LRRC75A: variants seen among roughly 807,000 people sequenced by gnomAD.
LRRC75A encodes the protein leucine rich repeat containing 75A.
Under a neutral mutation model 26.0 loss-of-function variants are expected in LRRC75A, and 12 were observed. The observed-to-expected ratio is 0.46, with a 90% CI of 0.30 to 0.75. The LOEUF (loss-of-function observed/expected upper bound fraction) is 0.75, where lower values mean the gene tolerates loss of function less well. Among genes scored for constraint, LRRC75A ranks in the 30% least tolerant of loss-of-function variants. LRRC75A has a pLI of 0.08. For missense variants in LRRC75A, 410 were observed against 486.6 expected (o/e 0.84, Z 1.48); for synonymous variants, 223 against 219.3 (o/e 1.02, Z -0.15).
intron 1 of LRRC75A, among the ~76,000 whole-genome samples, chr17:16,486,808 C>T (rs949450620): frequency 2.0e-5 from 3 of 152,218 alleles, no homozygotes; most frequent in South Asian, 2.1e-4. Flanking sequence ...GGAAAGCAAA[C>T]GTGCTGTGTC....
intron 2 of LRRC75A, among the ~76,000 whole-genome samples, chr17:16,450,667 T>C (rs556459831): frequency 1.4e-4 from 21 of 152,276 alleles, no homozygotes; most frequent in East Asian, 5.8e-4. Context: ...GCCACATGAC[T>C]GTGTGGAGGG....
intron 3 of LRRC75A, among the ~76,000 whole-genome samples, chr17:16,444,542 C>T (rs2093564305): frequency 6.6e-6 from 1 of 152,124 alleles, no homozygotes; most frequent in Admixed American, 6.5e-5. Flanking sequence ...CAGCTCAGCC[C>T]CCATGAATGG....
chr17:16,479,415 T>C (rs1382468682), intron 1 of LRRC75A, among the ~76,000 whole-genome samples: 1 of 152,208 alleles, frequency 6.6e-6, no homozygotes, highest in Non-Finnish European at 1.5e-5. Flanking sequence ...TAAACTTCTG[T>C]GTGGTCTCAC....
chr17:16,477,674 C>T (rs933020083), intron 1 of LRRC75A, among the ~76,000 whole-genome samples: 1 of 152,220 alleles, frequency 6.6e-6, no homozygotes, highest in African/African-American at 2.4e-5. Flanking sequence ...GCCTTCCCAG[C>T]AGGAGCCAGG....
At chr17:16,471,403 G>T (rs2093805707) in intron 1 of LRRC75A, among the ~76,000 whole-genome samples, 1 of 152,210 alleles carries the variant, frequency 6.6e-6, no homozygotes, top group Non-Finnish European at 1.5e-5. Context: ...CCCAGGAAAT[G>T]AATGCACCAG....
chr17:16,484,808 C>T (rs547232353), intron 1 of LRRC75A, among the ~76,000 whole-genome samples: 1 of 152,284 alleles, frequency 6.6e-6, no homozygotes, highest in Middle Eastern at 3.4e-3. Context: ...CCAACACACT[C>T]ACATACGAGG....
chr17:16,478,497 A>T (rs1028901764), intron 1 of LRRC75A: 5 of 152,154 alleles, frequency 3.3e-5, no homozygotes, highest in African/African-American at 7.2e-5. Context: ...CCCATTTTCT[A>T]AAAGAGTCTA....
intron 1 of LRRC75A, among the ~76,000 whole-genome samples, chr17:16,474,716 C>T (rs2093815433): frequency 6.6e-6 from 1 of 152,032 alleles, no homozygotes; most frequent in Non-Finnish European, 1.5e-5. Flanking sequence ...ATCCTGAGGC[C>T]GGGCGCGGTG....
intron 1 of LRRC75A, among the ~76,000 whole-genome samples, chr17:16,467,895 A>C (rs1363155102): frequency 1.3e-5 from 2 of 152,128 alleles, no homozygotes; most frequent in Non-Finnish European, 2.9e-5. Context: ...ACATCGCCCA[A>C]ACTCCTAAAA....
At chr17:16,450,489 C>T (rs2093622580) in intron 2 of LRRC75A, among the ~76,000 whole-genome samples, 1 of 150,320 alleles carries the variant, frequency 6.7e-6, no homozygotes, top group Admixed American at 6.6e-5. Flanking sequence ...CTTGTATCAC[C>T]TGCCACTTGC....
chr17:16,492,175 T>G lies in LRRC75A; in HGVS notation c.-185A>C. ...CGGCGCTCCCCGCGCTCCTCCCTCT[T>G]GGCTACCCGGGCGCGCTCCCCGGGC... On this transcript the variant is annotated 5_prime_UTR_variant, in exon 1 of 4. Coordinates refer to ENST00000470794, the MANE Select transcript of LRRC75A (RefSeq NM_001113567.3). The G allele has an allele frequency of 1.3e-5, 4 of 305,962 alleles. No individual in the cohort carries two copies. The highest frequency in any genetic ancestry group is 1.9e-5 in the Non-Finnish European group (4 of 212,122). The allele number at this position is 305,962 out of a possible 1,614,324, so 19.0% of individuals were successfully genotyped here.
At chr17:16,485,669 T>TG (rs1555893680) in intron 1 of LRRC75A, among the ~76,000 whole-genome samples, 29 of 114,206 alleles carry the variant, frequency 2.5e-4, no homozygotes, top group African/African-American at 7.0e-4. Context: ...TGTGTGTGTG[T>TG]TCGTGTGTGT....
At chr17:16,449,426 AAG>A (rs2093612972) in intron 2 of LRRC75A, among the ~76,000 whole-genome samples, 1 of 152,154 alleles carries the variant, frequency 6.6e-6, no homozygotes, top group South Asian at 2.1e-4. Flanking sequence ...CAGACCTCAC[AAG>A]AGTTTCTGTG....
intron 1 of LRRC75A, among the ~76,000 whole-genome samples, chr17:16,486,317 C>G (rs2093847047): frequency 6.6e-6 from 1 of 152,112 alleles, no homozygotes. Flanking sequence ...ACCCCCCAAC[C>G]CCATCCCACA....
At chr17:16,472,462 G>C (rs1389279876) in intron 1 of LRRC75A, among the ~76,000 whole-genome samples, 1 of 152,206 alleles carries the variant, frequency 6.6e-6, no homozygotes, top group South Asian at 2.1e-4. Flanking sequence ...TGCAAAAGCA[G>C]AAGTGGCACC....
chr17:16,454,670 A>C (rs758242866), intron 2 of LRRC75A, among the ~76,000 whole-genome samples: 1 of 152,126 alleles, frequency 6.6e-6, no homozygotes, highest in Non-Finnish European at 1.5e-5. Flanking sequence ...CAGCCCGGGC[A>C]ACAAGAGCAA....
intron 1 of LRRC75A, among the ~76,000 whole-genome samples, chr17:16,470,843 G>A (rs144829731): frequency 1.7e-3 from 257 of 152,284 alleles, no homozygotes; most frequent in Non-Finnish European, 3.2e-3. Context: ...TAGTTTTGGA[G>A]ACCAGAAATC....
Position 16,492,154 on chromosome 17 carries a change from G to T in LRRC75A, c.-164C>A. On this transcript the variant is annotated 5_prime_UTR_variant, in exon 1 of 4. Transcript: ENST00000470794. ...GGCGGGCGGGCGGGCGGCTGTCGGC[G>T]CTCCCCGCGCTCCTCCCTCTTGGCT... 1 of 390,614 alleles carries T rather than the reference G, an allele frequency of 2.6e-6. No homozygotes were observed. The highest frequency in any genetic ancestry group is 3.5e-6 in the Non-Finnish European group (1 of 288,214). The allele number at this position is 390,614 out of a possible 1,614,324, so 24.2% of individuals were successfully genotyped here. A position where few individuals can be genotyped will look rare whatever the true frequency, so the allele number is the denominator to read the frequency against.
At chr17:16,454,470 T>C (rs2093660643) in intron 2 of LRRC75A, among the ~76,000 whole-genome samples, 1 of 151,678 alleles carries the variant, frequency 6.6e-6, no homozygotes, top group African/African-American at 2.4e-5. Flanking sequence ...GGGGGGCGGA[T>C]CACCTGAGGT....
Sources: allele counts gnomAD v4.1 joint callset (sites outside exome capture counted in the v4.1 genomes callset), GRCh38; gene constraint gnomAD v4.1.1; transcripts MANE v1.5; gene names NCBI Gene and HGNC (gene_info 2026-07-23, HGNC 2026-07-21).